RBM26: variants seen among roughly 807,000 people sequenced by gnomAD.
The protein encoded by RBM26 is RNA-binding protein 26.
Under a neutral mutation model 123.6 loss-of-function variants are expected in RBM26, and 30 were observed. The ratio of observed to expected loss-of-function variants is 0.24; its 90% CI spans 0.18 to 0.33. The LOEUF is 0.33. Ranked by LOEUF, RBM26 falls within the 10% of genes least tolerant of loss-of-function variation. The probability of loss-of-function intolerance (pLI) is 1.00; values close to 1 mark genes in which losing one functional copy is unlikely to be tolerated. For missense variants in RBM26, 947 were observed against 1,203.6 expected (o/e 0.79, Z 3.15); for synonymous variants, 400 against 404.4 (o/e 0.99, Z 0.13).
intron 1 of RBM26, among the ~76,000 whole-genome samples, chr13:79,380,311 A>G (rs2140252619): frequency 6.6e-6 from 1 of 152,258 alleles, no homozygotes; most frequent in East Asian, 1.9e-4. Context: ...AAATCTTCAT[A>G]TCAATTCATT....
chr13:79,375,251 C>T (rs901640509), intron 3 of RBM26, among the ~76,000 whole-genome samples: 14 of 149,584 alleles, frequency 9.4e-5, no homozygotes, highest in African/African-American at 3.4e-4. Context: ...CAGCTCACTA[C>T]AACCTCTGCC....
intron 19 of RBM26, among the ~76,000 whole-genome samples, chr13:79,335,612 A>C (rs780683808): frequency 3.3e-5 from 5 of 152,156 alleles, no homozygotes; most frequent in Non-Finnish European, 5.9e-5. Context: ...AACTTCAACT[A>C]AACCTGTGCT....
chr13:79,371,952 A>C, intron 3 of RBM26, 22 bp from the exon 4 acceptor site: 1 of 1,467,126 alleles, frequency 6.8e-7, no homozygotes, highest in South Asian at 1.2e-5. Flanking sequence ...AAAAAAAAAA[A>C]GTGTACAAGT....
At chr13:79,375,298 G>T (rs1006529485) in intron 3 of RBM26, among the ~76,000 whole-genome samples, 4 of 149,538 alleles carry the variant, frequency 2.7e-5, no homozygotes, top group Non-Finnish European at 4.5e-5. Context: ...TCAGCTTCTC[G>T]AGTAACTGGG....
intron 1 of RBM26, among the ~76,000 whole-genome samples, chr13:79,396,515 G>T (rs977785797): frequency 1.3e-5 from 2 of 152,072 alleles, no homozygotes; most frequent in African/African-American, 2.4e-5. Context: ...AAAAATCTTT[G>T]AATATCATAA....
At chr13:79,312,167 G>C (rs1054349257) in exon 5 of RBM26, 1 of 151,990 alleles carries the variant, frequency 6.6e-6, no homozygotes. Context: ...TTTAAAACTG[G>C]AACAATCCAG....
At chr13:79,397,720 A>AAT (rs1288410610) in intron 1 of RBM26, among the ~76,000 whole-genome samples, 3 of 151,164 alleles carry the variant, frequency 2.0e-5, no homozygotes, top group Admixed American at 1.3e-4. Context: ...AAGGTATAAA[A>AAT]ATCAGAAAAT....
intron 20 of RBM26, among the ~76,000 whole-genome samples, chr13:79,333,314 A>G (rs142946702): frequency 3.6e-4 from 55 of 152,304 alleles, no homozygotes; most frequent in African/African-American, 1.3e-3. Flanking sequence ...ATAAAATAAT[A>G]TACTACCCCC....
chr13:79,356,927 T>G (rs2074093029), intron 11 of RBM26, among the ~76,000 whole-genome samples: 1 of 152,164 alleles, frequency 6.6e-6, no homozygotes, highest in African/African-American at 2.4e-5. Flanking sequence ...TTGAAAACCT[T>G]TTTATGACTA....
chr13:79,358,376 A>G lies in RBM26; in HGVS notation c.1587T>C (p.Asn529=). The stretch of plus-strand genomic sequence containing the variant: ...TTCTAAGTTCAAGCTTGGTATTTTC[A>G]TTTCCAAATTGAACCTTCTTCTGAA... The part of the protein sequence containing the change: ...PGFQKKVQFG[N]ENTKLELRKV... The change falls in exon 11 of 22, where the codon AAT becomes AAC. Residue 529 remains asparagine, a synonymous_variant. Transcript: ENST00000438737. The G allele has an allele frequency of 6.2e-7, 1 of 1,611,746 alleles. No homozygotes were observed.
rs764495525 is a variant in RBM26, at chr13:79,320,651, CTCT to C, written c.2991_2993del (p.Glu998del). ...TTCTCCAAGAACGAGATTCATTGTC[CTCT>C]TCTTCTTCATCATCATCTTGAAGTA... On this transcript the variant is annotated inframe_deletion, in exon 22 of 22. Transcript: ENST00000438737. 4.3e-5 allele frequency: 69 copies of C among 1,598,646 alleles called. No homozygotes were observed. The highest frequency in any genetic ancestry group is 5.7e-5 in the Non-Finnish European group (67 of 1,173,386).
At chr13:79,377,862 C>G (rs1566530601) in intron 2 of RBM26, among the ~76,000 whole-genome samples, 1 of 151,890 alleles carries the variant, frequency 6.6e-6, no homozygotes, top group Non-Finnish European at 1.5e-5. Flanking sequence ...GAGCCGAGAT[C>G]GCGCCACTGC....
chr13:79,398,447 G>T (rs1439185279), intron 1 of RBM26, among the ~76,000 whole-genome samples: 1 of 152,130 alleles, frequency 6.6e-6, no homozygotes, highest in Non-Finnish European at 1.5e-5. Context: ...AGATGGAAAG[G>T]CCAAATAAGA....
chr13:79,395,433 G>T (rs1012425294), intron 1 of RBM26, among the ~76,000 whole-genome samples: 4 of 152,110 alleles, frequency 2.6e-5, no homozygotes, highest in Admixed American at 1.3e-4. Flanking sequence ...TCTGGAAACG[G>T]TAGAGGAAAA....
At chr13:79,403,090 C>CAA (rs1214237865) in intron 1 of RBM26, among the ~76,000 whole-genome samples, 17 of 121,120 alleles carry the variant, frequency 1.4e-4, no homozygotes, top group Non-Finnish European at 2.0e-4. Flanking sequence ...AATGTTAAAG[C>CAA]AAAAAAAAAA....
At chr13:79,335,511 CCTTT>C (rs1340513174) in intron 19 of RBM26, among the ~76,000 whole-genome samples, 7 of 152,028 alleles carry the variant, frequency 4.6e-5, no homozygotes, top group African/African-American at 1.2e-4. Context: ...AGTTAATGGT[CCTTT>C]AACATCACAT....
chr13:79,373,567 T>C (rs1296462716), intron 3 of RBM26, among the ~76,000 whole-genome samples: 1 of 110,186 alleles, frequency 9.1e-6, no homozygotes, highest in East Asian at 2.2e-4. Flanking sequence ...TATATATATT[T>C]ATATAATATA....
chr13:79,323,016 T>C (rs1373588398), intron 20 of RBM26, among the ~76,000 whole-genome samples: 1 of 151,330 alleles, frequency 6.6e-6, no homozygotes, highest in African/African-American at 2.4e-5. Context: ...ATGTTTATTA[T>C]AAAACTAAAA....
chr13:79,347,169 G>T (rs190181264), intron 14 of RBM26, among the ~76,000 whole-genome samples: 2 of 152,248 alleles, frequency 1.3e-5, no homozygotes, highest in East Asian at 3.9e-4. Context: ...TTTATTCCTA[G>T]AAGTATTCCC....
Sources: gnomAD v4.1 joint callset for allele counts (sites outside exome capture counted in the v4.1 genomes callset) on GRCh38, gnomAD v4.1.1 for gene constraint, MANE v1.5 for transcripts, NCBI Gene and HGNC (gene_info 2026-07-23, HGNC 2026-07-21) for gene names.